KDM7A: variants seen among roughly 807,000 people sequenced by gnomAD.
KDM7A encodes lysine demethylase 7A.
KDM7A carries 28 observed loss-of-function variants against 114.8 expected under a neutral mutation model. The ratio of observed to expected loss-of-function variants is 0.24; its 90% CI spans 0.18 to 0.33. KDM7A has a LOEUF of 0.33. Ranked by LOEUF, KDM7A falls within the 10% of genes least tolerant of loss-of-function variation. The pLI, the probability that KDM7A is intolerant of heterozygous loss-of-function variation, is 1.00. For synonymous variants in KDM7A, 423 were observed against 397.8 expected, an observed-to-expected ratio of 1.06 and a Z score of -0.75; for missense variants, 942 against 1,142.5, an observed-to-expected ratio of 0.82 and a Z score of 2.53.
At chr7:140,119,035 C>G in intron 9 of KDM7A, 78 bp downstream of exon 9, 1 of 803,760 alleles carries the variant, frequency 1.2e-6, no homozygotes. Context: ...AAAAGGGACT[C>G]TTTCTGTCAG....
At chr7:140,138,311 TA>T (rs201914719) in intron 2 of KDM7A, among the ~76,000 whole-genome samples, 139 of 144,124 alleles carry the variant, frequency 9.6e-4, no homozygotes, top group African/African-American at 1.0e-3. Context: ...CTGTCTCAAA[TA>T]AAAAAAAAAA....
At chr7:140,150,053 CTT>C (rs1794382469) in intron 1 of KDM7A, among the ~76,000 whole-genome samples, 1 of 152,116 alleles carries the variant, frequency 6.6e-6, no homozygotes, top group African/African-American at 2.4e-5. Flanking sequence ...TTACTACCTG[CTT>C]TCTGTCTTCT....
At chr7:140,150,953 T>C (rs12111946) in intron 1 of KDM7A, among the ~76,000 whole-genome samples, 52,547 of 151,398 alleles carry the variant, frequency 0.35, 9,364 homozygotes, top group Middle Eastern at 0.43. Context: ...CTCAGCCTCC[T>C]GAGTAGCTAA....
At chr7:140,098,436 G>A (rs949696700) in intron 14 of KDM7A, among the ~76,000 whole-genome samples, 1 of 152,110 alleles carries the variant, frequency 6.6e-6, no homozygotes, top group African/African-American at 2.4e-5. Flanking sequence ...TTGTCAACAG[G>A]TAATCAATTA....
At position 140,109,007 on chromosome 7, in the gene KDM7A, G is replaced by A. The variant is rs576103622; in HGVS notation, c.1428+2088C>T. 3.9e-4 allele frequency among the ~76,000 whole-genome samples: 59 copies of A among 152,292 alleles called. 2 individuals carry two copies. In the South Asian group the frequency reaches 0.012, roughly 31 times the overall value. ...CCCCTAACCTCGCTGCCACCTTGCA[G>A]TTTGATCTCAGACTGCTGTGCTAGC... On this transcript the variant is annotated intron_variant, in intron 11 of 19. Transcript: ENST00000397560.
intron 9 of KDM7A, among the ~76,000 whole-genome samples, chr7:140,115,821 TAA>T (rs35674371): frequency 0.03 from 3,496 of 117,796 alleles, 147 homozygotes; most frequent in African/African-American, 0.1. Context: ...AATAAATAAA[TAA>T]AAAAAAATAA....
At chr7:140,092,593 A>C (rs1426504413) in intron 18 of KDM7A, among the ~76,000 whole-genome samples, 1 of 152,162 alleles carries the variant, frequency 6.6e-6, no homozygotes, top group Non-Finnish European at 1.5e-5. Context: ...ACTATCGAGT[A>C]AACTTTCAGG....
chr7:140,120,578 T>C, intron 7 of KDM7A, 49 bp from the exon 8 acceptor site: 1 of 1,058,598 alleles, frequency 9.4e-7, no homozygotes, highest in South Asian at 1.3e-5. Flanking sequence ...ATATGTAAAC[T>C]AAACCAATAG....
Position 140,091,972 on chromosome 7 carries a change from T to C in KDM7A, c.2563A>G (p.Asn855Asp), listed in dbSNP as rs1287803564. The C allele has an allele frequency of 1.9e-6, 3 of 1,613,950 alleles. No homozygotes were observed. Among genetic ancestry groups the C allele is most frequent in the East Asian group, 2.2e-5 (1 of 44,880 alleles). Residue 855 changes from asparagine (N) to aspartate (D), a missense_variant, in exon 19 of 20, where the codon AAT becomes GAT. This residue lies in a region of KDM7A where 512 missense variants were observed against 576.6 expected (regional missense o/e 0.89). Coordinates refer to ENST00000397560, the MANE Select transcript of KDM7A (RefSeq NM_030647.2). ...YVDSSGSSLQ[N>D]GKYMQNSNLT... ...TTTGAATTCTGCATATACTTTCCATTCTGAAGGCTTGAGCCGCTGCTGTCC... is the reference window on the plus strand; with the variant it reads ...TTTGAATTCTGCATATACTTTCCATCCTGAAGGCTTGAGCCGCTGCTGTCC...
intron 1 of KDM7A, among the ~76,000 whole-genome samples, chr7:140,146,038 C>T (rs1794337011): frequency 6.6e-6 from 1 of 152,272 alleles, no homozygotes; most frequent in Middle Eastern, 3.4e-3. Context: ...CCCATATAAT[C>T]TGTTTTATGA....
Position 140,090,723 on chromosome 7 carries a change from T to C in KDM7A, c.*371A>G, listed in dbSNP as rs1283014642. On this transcript the variant is annotated 3_prime_UTR_variant, in exon 20 of 20. Transcript: ENST00000397560. ...CAAATAAATAGCTTTAAAAAAAGAA[T>C]TTAAAAGCTGTTAACTTTAAAAAAA... The C allele has an allele frequency of 5.4e-6, 1 of 184,074 alleles. No individual in the cohort carries two copies. Among genetic ancestry groups the C allele is most frequent in the Non-Finnish European group, 1.1e-5 (1 of 89,556 alleles). 11.4% of individuals were successfully genotyped at this position (184,074 alleles called of 1,614,324 possible). A position where few individuals can be genotyped will look rare whatever the true frequency, so the allele number is the denominator to read the frequency against.
At position 140,102,149 on chromosome 7, in the gene KDM7A, G is replaced by T; in HGVS notation, c.1440C>A (p.Gly480=). 1 of 1,612,700 alleles carries T rather than the reference G, an allele frequency of 6.2e-7. No homozygotes were observed. Among genetic ancestry groups the T allele is most frequent in the Non-Finnish European group, 8.5e-7 (1 of 1,178,780 alleles). ...KVIRAIEEEN[G]KPVKSQGIPI... is the part of the protein sequence containing the mutation. ...GAATTCCCTGAGATTTAACTGGTTT[G>T]CCGTTTTCCTCCTTTAAGAATTAAA... is the stretch of plus-strand genomic sequence containing the variant. Residue 480 remains glycine, a synonymous_variant, in exon 12 of 20, where the codon GGC becomes GGA. Transcript: ENST00000397560.
chr7:140,102,955 CT>C (rs1000878564), intron 11 of KDM7A, among the ~76,000 whole-genome samples: 1 of 152,174 alleles, frequency 6.6e-6, no homozygotes, highest in African/African-American at 2.4e-5. Flanking sequence ...CATTTTTTTA[CT>C]GTGGTAACAT....
intron 11 of KDM7A, among the ~76,000 whole-genome samples, chr7:140,104,673 C>T (rs978638563): frequency 2.6e-5 from 4 of 152,162 alleles, no homozygotes; most frequent in Non-Finnish European, 5.9e-5. Context: ...GGTGCCAGTA[C>T]CATGCTGTTT....
At chr7:140,155,997 T>C (rs1794453786) in intron 1 of KDM7A, among the ~76,000 whole-genome samples, 1 of 152,246 alleles carries the variant, frequency 6.6e-6, no homozygotes, top group Non-Finnish European at 1.5e-5. Flanking sequence ...TTGCTAGTTT[T>C]CTTATATGCC....
At chr7:140,128,232 G>A (rs7788076) in intron 4 of KDM7A, among the ~76,000 whole-genome samples, 63,174 of 152,056 alleles carry the variant, frequency 0.42, 13,387 homozygotes, top group Middle Eastern at 0.47. Flanking sequence ...CCATGAAGTG[G>A]TGTTTACAGA....
chr7:140,139,887 T>C (rs1230564225), intron 1 of KDM7A, among the ~76,000 whole-genome samples: 1 of 152,220 alleles, frequency 6.6e-6, no homozygotes, highest in African/African-American at 2.4e-5. Flanking sequence ...GAGGATATTA[T>C]GAACAATTTC....
In KDM7A at chr7:140,100,720, A is replaced by G. The variant is rs1282231399; in HGVS notation, c.1639-697T>C. 1.0e-3 allele frequency among the ~76,000 whole-genome samples: 39 copies of G among 38,448 alleles called. 2 individuals are homozygous for G. In the South Asian group the frequency reaches 0.031, roughly 30 times the overall value. The allele number at this position is 38,448 out of a possible 152,430, so 25.2% of individuals were successfully genotyped here. ...TATATATATATATACACATATATAT[A>G]TATATATATATATATATATATACAT... On this transcript the variant is annotated intron_variant, in intron 12 of 19. Transcript: ENST00000397560.
intron 2 of KDM7A, among the ~76,000 whole-genome samples, chr7:140,137,210 AG>A (rs1420237678): frequency 1.3e-5 from 2 of 152,212 alleles, no homozygotes; most frequent in Non-Finnish European, 2.9e-5. Flanking sequence ...TATGTTCTTC[AG>A]GGATGAGAAG....
Sources: allele counts gnomAD v4.1 joint callset (sites outside exome capture counted in the v4.1 genomes callset), GRCh38; gene constraint gnomAD v4.1.1; regional missense constraint gnomAD v4.1.1; transcripts MANE v1.5; gene names NCBI Gene and HGNC (gene_info 2026-07-23, HGNC 2026-07-21).